The following PI15 variants were observed in gnomAD, a reference collection of about 807,000 sequenced individuals.
The protein encoded by PI15 is peptidase inhibitor 15.
Under a neutral mutation model 31.0 loss-of-function variants are expected in PI15, and 18 were observed. The ratio of observed to expected loss-of-function variants is 0.58; its 90% CI spans 0.40 to 0.86. The LOEUF (loss-of-function observed/expected upper bound fraction) is 0.86, where lower values mean the gene tolerates loss of function less well. Among genes scored for constraint, PI15 ranks in the 40% least tolerant of loss-of-function variants. The probability of loss-of-function intolerance (pLI) is 0.00; values close to 1 mark genes in which losing one functional copy is unlikely to be tolerated. For synonymous variants in PI15, 118 were observed against 119.1 expected, an observed-to-expected ratio of 0.99 and a Z score of 0.06; for missense variants, 282 against 328.1, an observed-to-expected ratio of 0.86 and a Z score of 1.09.
intron 2 of PI15, among the ~76,000 whole-genome samples, chr8:74,837,284 GAACT>G (rs1392967449): frequency 6.6e-6 from 1 of 151,950 alleles, no homozygotes; most frequent in African/African-American, 2.4e-5. Context: ...CTCTTACAGA[GAACT>G]ATTTTAATAT....
chr8:74,827,869 T>C (rs1393999028), intron 2 of PI15, among the ~76,000 whole-genome samples: 1 of 152,164 alleles, frequency 6.6e-6, no homozygotes, highest in Non-Finnish European at 1.5e-5. Context: ...GCTGATTACA[T>C]AGTAGGTGCT....
At chr8:74,833,388 G>A (rs1268969507) in intron 2 of PI15, among the ~76,000 whole-genome samples, 2 of 151,718 alleles carry the variant, frequency 1.3e-5, no homozygotes, top group Admixed American at 6.6e-5. Context: ...AGCTTCTTTT[G>A]CCTGTAAGCA....
chr8:74,834,340 A>T (rs1045030971), intron 2 of PI15, among the ~76,000 whole-genome samples: 13 of 152,174 alleles, frequency 8.5e-5, no homozygotes, highest in African/African-American at 2.9e-4. Context: ...TGTATTATTT[A>T]TACCCTTGGA....
At chr8:74,845,035 T>A in intron 3 of PI15, 93 bp from the exon 4 acceptor site, 3 of 1,075,228 alleles carry the variant, frequency 2.8e-6, no homozygotes, top group South Asian at 1.4e-5. Flanking sequence ...TCATGAATAA[T>A]CTGCAAAAAG....
rs1344342752 is a variant in PI15, at chr8:74,825,534, TC to T, written c.273+13del. ...ATATGGAATATATGGTAAGAAGAAT[TC>T]TTTTTTTTTTTTTTAAGTTCTGAGT... On this transcript the variant is annotated intron_variant, in intron 2 of 5. Transcript: ENST00000260113. 1.3e-6 allele frequency: 2 copies of T among 1,554,320 alleles called. No individual in the cohort carries two copies. The highest frequency in any genetic ancestry group is 2.3e-5 in the East Asian group (1 of 44,404).
chr8:74,847,393 T>C (rs1811041157), intron 5 of PI15, among the ~76,000 whole-genome samples: 2 of 150,288 alleles, frequency 1.3e-5, no homozygotes, highest in East Asian at 2.0e-4. Flanking sequence ...TGCAGTGAGC[T>C]GAGATCACGC....
Position 74,854,741 on chromosome 8 carries a change from C to CAT in PI15, c.*5496_*5497dup, listed in dbSNP as rs1376252963. On this transcript the variant is annotated 3_prime_UTR_variant, in exon 6 of 6. Coordinates refer to ENST00000260113, the MANE Select transcript of PI15 (RefSeq NM_015886.5). ...TTGAGAATTAGAGAAGATTGTGATG[C>CAT]ATATATATAAACACTATTTTTAAAA... The CAT allele has an allele frequency of 2.0e-5, 3 of 151,994 alleles. No individual in the cohort carries two copies. Among genetic ancestry groups the CAT allele is most frequent in the Non-Finnish European group, 4.4e-5 (3 of 67,970 alleles). The allele number at this position is 151,994 out of a possible 1,614,324, so 9.4% of individuals were successfully genotyped here. A position where few individuals can be genotyped will look rare whatever the true frequency, so the allele number is the denominator to read the frequency against.
chr8:74,845,087 C>G (rs771649951), intron 3 of PI15, 41 bp from the exon 4 acceptor site: 50 of 1,565,130 alleles, frequency 3.2e-5, no homozygotes, highest in Admixed American at 1.8e-4. Context: ...TTATATATTA[C>G]CACTGCTGCA....
At chr8:74,849,066 T>TA in intron 5 of PI15, 52 bp from the exon 6 acceptor site, 1 of 1,557,954 alleles carries the variant, frequency 6.4e-7, no homozygotes, top group Non-Finnish European at 8.8e-7. Flanking sequence ...CAATCTACTT[T>TA]TAAAAAATGG....
chr8:74,834,872 G>A (rs1043121515), intron 2 of PI15, among the ~76,000 whole-genome samples: 2 of 50,800 alleles, frequency 3.9e-5, no homozygotes, highest in East Asian at 4.4e-4. Flanking sequence ...ACATTCTCCT[G>A]ATGATTCACA....
intron 2 of PI15, among the ~76,000 whole-genome samples, chr8:74,842,022 TCTTA>T (rs1363126091): frequency 1.3e-5 from 2 of 152,086 alleles, no homozygotes; most frequent in South Asian, 2.1e-4. Context: ...TCTTTTTTTT[TCTTA>T]TTTTATTTTA....
chr8:74,832,720 T>C (rs189894083), intron 2 of PI15, among the ~76,000 whole-genome samples: 1 of 152,124 alleles, frequency 6.6e-6, no homozygotes, highest in East Asian at 1.9e-4. Flanking sequence ...GACTGAGGCT[T>C]GGAGGGATAG....
chr8:74,828,630 C>G (rs1482345874), intron 2 of PI15, among the ~76,000 whole-genome samples: 1 of 152,068 alleles, frequency 6.6e-6, no homozygotes, highest in Non-Finnish European at 1.5e-5. Flanking sequence ...AATTCCTAAC[C>G]TGTTCTATGT....
At chr8:74,827,078 T>G (rs907193326) in intron 2 of PI15, among the ~76,000 whole-genome samples, 1 of 152,044 alleles carries the variant, frequency 6.6e-6, no homozygotes, top group African/African-American at 2.4e-5. Context: ...ATATCCCAAC[T>G]ATGAGTTTAG....
rs111618226 is a variant in PI15, at chr8:74,826,198, T to TA, written c.273+686dup. ...TGTTTAAATCATTTTACTTAGAAAG[T>TA]AAAAAAAAAAGTTAGTATTGAAAGG... is the stretch of plus-strand genomic sequence containing the variant. On this transcript the variant is annotated intron_variant, in intron 2 of 5. Coordinates refer to ENST00000260113, the MANE Select transcript of PI15 (RefSeq NM_015886.5). 1,219 of 299,040 alleles carry TA rather than the reference T, an allele frequency of 4.1e-3. 1 individual carries two copies. Among genetic ancestry groups the TA allele is most frequent in the Middle Eastern group, 6.6e-3 (4 of 606 alleles). The allele number at this position is 299,040 out of a possible 1,614,324, so 18.5% of individuals were successfully genotyped here.
chr8:74,845,036 C>G (rs915275909), intron 3 of PI15, 92 bp from the exon 4 acceptor site: 5 of 1,091,096 alleles, frequency 4.6e-6, no homozygotes, highest in South Asian at 2.7e-5. Flanking sequence ...CATGAATAAT[C>G]TGCAAAAAGA....
chr8:74,843,515 G>T (rs924980875), intron 2 of PI15, among the ~76,000 whole-genome samples: 3 of 152,250 alleles, frequency 2.0e-5, no homozygotes, highest in African/African-American at 7.2e-5. Context: ...ATCACTTGAG[G>T]TCAGGAGTTC....
At chr8:74,837,901 G>A (rs191252103) in intron 2 of PI15, among the ~76,000 whole-genome samples, 1 of 152,142 alleles carries the variant, frequency 6.6e-6, no homozygotes, top group East Asian at 1.9e-4. Context: ...TGGTTTCCAT[G>A]TGTAGAATAG....
chr8:74,845,199 A>G lies in PI15; in HGVS notation c.464A>G (p.Gln155Arg). 1 of 1,613,230 alleles carries G rather than the reference A, an allele frequency of 6.2e-7. No individual in the cohort carries two copies. Among genetic ancestry groups the G allele is most frequent in the Non-Finnish European group, 8.5e-7 (1 of 1,179,138 alleles). ...AAAGATTATGCTTTTCCATATCCCC[A>G]GGATTGCAACCCCAGATGTCCTATG... is the stretch of plus-strand genomic sequence containing the variant. ...EVKDYAFPYPQDCNPRCPMRC... is the reference protein window; with the variant it reads ...EVKDYAFPYPRDCNPRCPMRC... The change falls in exon 4 of 6, where the codon CAG (glutamine) becomes CGG (arginine). Residue 155 changes from glutamine (Q) to arginine (R), a missense_variant. Coordinates refer to ENST00000260113, the MANE Select transcript of PI15 (RefSeq NM_015886.5).
Sources: allele counts gnomAD v4.1 joint callset (sites outside exome capture counted in the v4.1 genomes callset), GRCh38; gene constraint gnomAD v4.1.1; transcripts MANE v1.5; gene names NCBI Gene and HGNC (gene_info 2026-07-23, HGNC 2026-07-21).